Variants in WDR26 observed in about 807,000 individuals in gnomAD.
WDR26 encodes the protein WD repeat-containing protein 26.
Under a neutral mutation model 84.1 loss-of-function variants are expected in WDR26, and 5 were observed. The observed-to-expected ratio is 0.06, with a 90% CI of 0.03 to 0.13. The LOEUF is 0.13. WDR26 is among the 10% of genes least tolerant of loss of function. The pLI, the probability that WDR26 is intolerant of heterozygous loss-of-function variation, is 1.00. For synonymous variants in WDR26, 415 were observed against 389.6 expected (o/e 1.07, Z -0.77); for missense variants, 642 against 974.9 (o/e 0.66, Z 4.55).
chr1:224,427,103 CCAAAAAAAAA>C lies in WDR26; in HGVS notation c.928-2459_928-2450del, dbSNP rs1019935386. ...GGGCAACGAGAGCAAAACTCTGTCT[CCAAAAAAAAA>C]AAAAAAAAAAAAAAGTTTCATTCCA... On this transcript the variant is annotated intron_variant, in intron 3 of 13. Coordinates refer to ENST00000414423, the MANE Select transcript of WDR26 (RefSeq NM_001379403.1). 3.3e-4 allele frequency among the ~76,000 whole-genome samples: 30 copies of C among 91,172 alleles called. 1 individual carries two copies. Among genetic ancestry groups the C allele is most frequent in the African/African-American group, 1.3e-3 (30 of 23,152 alleles). The allele number at this position is 91,172 out of a possible 152,430, so 59.8% of individuals were successfully genotyped here.
intron 5 of WDR26, 70 bp from the exon 6 acceptor site, chr1:224,418,486 C>A: frequency 1.4e-6 from 2 of 1,415,132 alleles, no homozygotes; most frequent in South Asian, 1.4e-5. Flanking sequence ...GACATTTGCT[C>A]ATCTTCTGCT....
intron 6 of WDR26, among the ~76,000 whole-genome samples, chr1:224,416,022 T>G (rs534349796): frequency 6.6e-6 from 1 of 152,144 alleles, no homozygotes; most frequent in South Asian, 2.1e-4. Context: ...GAAGGAAAAG[T>G]AAGGACAAAG....
At chr1:224,411,944 G>A (rs920979719) in intron 6 of WDR26, among the ~76,000 whole-genome samples, 5 of 152,066 alleles carry the variant, frequency 3.3e-5, no homozygotes, top group African/African-American at 1.2e-4. Flanking sequence ...AGAGGCTGCA[G>A]TGAGTTATGA....
At chr1:224,427,104 C>CAAAAAAAAA (rs1331410813) in intron 3 of WDR26, among the ~76,000 whole-genome samples, 2 of 125,910 alleles carry the variant, frequency 1.6e-5, no homozygotes, top group African/African-American at 6.4e-5. Context: ...ACTCTGTCTC[C>CAAAAAAAAA]AAAAAAAAAA....
intron 12 of WDR26, among the ~76,000 whole-genome samples, chr1:224,394,847 T>G (rs1673217688): frequency 6.6e-6 from 1 of 152,170 alleles, no homozygotes; most frequent in Admixed American, 6.5e-5. Context: ...AGTGGTCTGC[T>G]TATGGTTAAC....
Position 224,404,411 on chromosome 1 carries a change from A to G in WDR26, c.1599+19T>C. 1 of 1,611,374 alleles carries G rather than the reference A, an allele frequency of 6.2e-7. No homozygotes were observed. Among genetic ancestry groups the G allele is most frequent in the Non-Finnish European group, 8.5e-7 (1 of 1,179,118 alleles). On this transcript the variant is annotated intron_variant, in intron 8 of 13. Transcript: ENST00000414423. ...CTATGCTGTACTTAAAAGCTCAACC[A>G]AAGATGGAACTCGCTCACTTGTACA...
intron 9 of WDR26, among the ~76,000 whole-genome samples, chr1:224,399,746 T>G (rs955853963): frequency 5.9e-5 from 9 of 152,196 alleles, no homozygotes; most frequent in Non-Finnish European, 1.2e-4. Flanking sequence ...CCAAACGAGC[T>G]TAATAAAAGA....
At chr1:224,424,823 T>C in intron 3 of WDR26, 169 bp from the exon 4 acceptor site, 1 of 747,104 alleles carries the variant, frequency 1.3e-6, no homozygotes, top group Non-Finnish European at 2.2e-6. Flanking sequence ...CCACAGTAGA[T>C]TAAATGTGAC....
chr1:224,433,180 T>A (rs1322538342), intron 1 of WDR26, among the ~76,000 whole-genome samples: 1 of 152,192 alleles, frequency 6.6e-6, no homozygotes. Context: ...TAGGTGATTG[T>A]CTTTCCTGAT....
intron 6 of WDR26, among the ~76,000 whole-genome samples, chr1:224,416,429 T>C (rs866034091): frequency 6.6e-6 from 1 of 152,170 alleles, no homozygotes; most frequent in Middle Eastern, 3.4e-3. Flanking sequence ...GGTTTCACCA[T>C]GTTAGCCAGG....
In WDR26 at chr1:224,388,314, T is replaced by C. The variant is rs1673034073; in HGVS notation, c.*1521A>G. Reference sequence around the variant, plus strand: ...CTTTTTCTTCACCAGAATCTTATTTTGGGGGTATCCCCATTCTCATTCCAA... The same window carrying C: ...CTTTTTCTTCACCAGAATCTTATTTCGGGGGTATCCCCATTCTCATTCCAA... On this transcript the variant is annotated 3_prime_UTR_variant, in exon 14 of 14. Transcript: ENST00000414423. 1 of 152,204 alleles carries C rather than the reference T, an allele frequency of 6.6e-6. No homozygotes were observed. Among genetic ancestry groups the C allele is most frequent in the South Asian group, 2.1e-4 (1 of 4,832 alleles). 9.4% of individuals were successfully genotyped at this position (152,204 alleles called of 1,614,324 possible).
chr1:224,390,531 A>G (rs1312297830), intron 13 of WDR26, among the ~76,000 whole-genome samples: 1 of 152,252 alleles, frequency 6.6e-6, no homozygotes, highest in Non-Finnish European at 1.5e-5. Flanking sequence ...TCTAAGGTAG[A>G]ATAACGTGTT....
At chr1:224,396,224 T>C (rs10753466) in intron 12 of WDR26, among the ~76,000 whole-genome samples, 104,533 of 152,046 alleles carry the variant, frequency 0.69, 38,392 homozygotes, top group East Asian at 0.99. Flanking sequence ...TATTCATCGT[T>C]GTTTCTAAGT....
At position 224,386,865 on chromosome 1, in the gene WDR26, A is replaced by AG. The variant is rs1673002477; in HGVS notation, c.*2969_*2970insC. The AG allele has an allele frequency of 6.6e-6, 1 of 152,148 alleles. No homozygotes were observed. Among genetic ancestry groups the AG allele is most frequent in the Non-Finnish European group, 1.5e-5 (1 of 68,012 alleles). The allele number at this position is 152,148 out of a possible 1,614,324, so 9.4% of individuals were successfully genotyped here. On this transcript the variant is annotated 3_prime_UTR_variant, in exon 14 of 14. Transcript: ENST00000414423. ...AGAAATGTAGCTGTTATGAAGACTA[A>AG]AAAAATACAAAAACCAAAGCTGAAG...
rs1335775459 is a variant in WDR26 at position 224,391,098 on chromosome 1, A to G, written c.2261-1238T>C. On this transcript the variant is annotated intron_variant, in intron 13 of 13. Coordinates refer to ENST00000414423, the MANE Select transcript of WDR26 (RefSeq NM_001379403.1). ...TTTATGCATCCTTAAAAAAAAAAAT[A>G]TCATGCCTGTAATCCCAGTACTTTG... Among the ~76,000 whole-genome samples the G allele has an allele frequency of 3.3e-5, 5 of 151,840 alleles. No homozygotes were observed. In the South Asian group the frequency reaches 8.3e-4, roughly 25 times the overall value.
Position 224,401,082 on chromosome 1 carries a change from A to G in WDR26, c.1600-13T>C, listed in dbSNP as rs962236587. On this transcript the variant is annotated splice_polypyrimidine_tract_variant and intron_variant, in intron 8 of 13. Coordinates refer to ENST00000414423, the MANE Select transcript of WDR26 (RefSeq NM_001379403.1). Reference sequence around the variant, plus strand: ...TTAGTTCTCCTGTCTATAAGGAAATAAAACTGTAAATGAGACCTTCAAGAT... The same window carrying G: ...TTAGTTCTCCTGTCTATAAGGAAATGAAACTGTAAATGAGACCTTCAAGAT... 8.1e-6 allele frequency: 13 copies of G among 1,610,940 alleles called. No homozygotes were observed. Among genetic ancestry groups the G allele is most frequent in the Non-Finnish European group, 1.1e-5 (13 of 1,178,782 alleles).
chr1:224,389,956 G>T, intron 13 of WDR26, 96 bp from the exon 14 acceptor site: 1 of 897,904 alleles, frequency 1.1e-6, no homozygotes. Context: ...TTCAAAATTA[G>T]CATTATGACA....
chr1:224,429,615 A>G (rs1205182496), intron 3 of WDR26: 1 of 152,216 alleles, frequency 6.6e-6, no homozygotes, highest in Non-Finnish European at 1.5e-5. Context: ...GCTTAAAGTG[A>G]GATAAAAGTT....
At chr1:224,421,473 C>T (rs1245599159) in intron 4 of WDR26, among the ~76,000 whole-genome samples, 1 of 152,130 alleles carries the variant, frequency 6.6e-6, no homozygotes, top group Non-Finnish European at 1.5e-5. Flanking sequence ...GCCTGTAATC[C>T]CAGCTACTTG....
Sources: allele counts gnomAD v4.1 joint callset (sites outside exome capture counted in the v4.1 genomes callset), GRCh38; gene constraint gnomAD v4.1.1; transcripts MANE v1.5; gene names NCBI Gene and HGNC (gene_info 2026-07-23, HGNC 2026-07-21).